Variants in NRG1 observed in about 807,000 individuals in gnomAD.
NRG1 encodes pro-neuregulin-1, membrane-bound isoform.
NRG1 carries 18 observed loss-of-function variants against 63.8 expected under a neutral mutation model. The observed-to-expected ratio is 0.28, with a 90% CI of 0.19 to 0.42. The LOEUF is 0.42. Ranked by LOEUF, NRG1 falls within the 10% of genes least tolerant of loss-of-function variation. The probability of loss-of-function intolerance (pLI) is 1.00; values close to 1 mark genes in which losing one functional copy is unlikely to be tolerated. For synonymous variants in NRG1, 302 were observed against 301.3 expected, an observed-to-expected ratio of 1.00 and a Z score of -0.02; for missense variants, 762 against 814.7, an observed-to-expected ratio of 0.94 and a Z score of 0.79.
rs944007289 is a variant in NRG1 at position 32,731,572 on chromosome 8, T to C, written c.632+3494T>C. On this transcript the variant is annotated intron_variant, in intron 6 of 11. Transcript: ENST00000356819. ...GCAAGCCAGAACCTTGAGGGAAGAA[T>C]TGGAGAGTATATTTTACATCCAAAA... Among the ~76,000 whole-genome samples, 3 of 152,180 alleles carry C rather than the reference T, an allele frequency of 2.0e-5. No homozygotes were observed. In the East Asian group the frequency reaches 5.8e-4, roughly 29 times the overall value.
intron 1 of NRG1, among the ~76,000 whole-genome samples, chr8:32,324,026 G>A (rs1173928936): frequency 3.3e-5 from 5 of 151,818 alleles, no homozygotes; most frequent in Admixed American, 2.0e-4. Context: ...AAGTGGCTAC[G>A]TGATCAGAAA....
intron 1 of NRG1, among the ~76,000 whole-genome samples, chr8:31,824,175 TC>T (rs1824302370): frequency 2.3e-5 from 1 of 42,718 alleles, no homozygotes. Flanking sequence ...CCCTCCCCCC[TC>T]CCCCCACCCC....
intron 1 of NRG1, among the ~76,000 whole-genome samples, chr8:31,725,312 G>A (rs1264004440): frequency 2.0e-5 from 3 of 152,134 alleles, no homozygotes; most frequent in Non-Finnish European, 4.4e-5. Context: ...CTGAGAACAT[G>A]CCTTGGCATA....
At chr8:32,646,804 G>T (rs1563842952) in intron 5 of NRG1, 1 of 985,078 alleles carries the variant, frequency 1.0e-6, no homozygotes, top group African/African-American at 1.7e-5. Context: ...AAAATAGGAA[G>T]TCACTGGCAG....
At chr8:32,380,811 T>A (rs944950274) in intron 1 of NRG1, among the ~76,000 whole-genome samples, 1 of 152,202 alleles carries the variant, frequency 6.6e-6, no homozygotes, top group African/African-American at 2.4e-5. Context: ...AGTTTTGGGG[T>A]ACATGTGATA....
At chr8:32,437,813 T>A (rs1818978003) in intron 1 of NRG1, among the ~76,000 whole-genome samples, 1 of 152,172 alleles carries the variant, frequency 6.6e-6, no homozygotes, top group South Asian at 2.1e-4. Flanking sequence ...TTGATATTAT[T>A]TATTATAACT....
At position 32,052,379 on chromosome 8, in the gene NRG1, G is replaced by C. The variant is rs140540484; in HGVS notation, c.37+412948G>C. Among the ~76,000 whole-genome samples, 610 of 146,560 alleles carry C rather than the reference G, an allele frequency of 4.2e-3. 4 individuals are homozygous for C. Among genetic ancestry groups the C allele is most frequent in the African/African-American group, 0.015 (584 of 39,868 alleles). The stretch of plus-strand genomic sequence containing the variant: ...CAGCCTCAAACTCCTAGGCTCAAGC[G>C]ATCCTCCCACCTCAGCCAACTGAGT... On this transcript the variant is annotated intron_variant, in intron 1 of 10. Transcript: ENST00000519301.
chr8:31,956,002 C>T (rs1804301421), intron 1 of NRG1, among the ~76,000 whole-genome samples: 1 of 149,356 alleles, frequency 6.7e-6, no homozygotes, highest in African/African-American at 2.5e-5. Flanking sequence ...GATCATAGCA[C>T]TCCACTCCAT....
chr8:31,692,870 G>A (rs567948331), intron 1 of NRG1, among the ~76,000 whole-genome samples: 1 of 152,134 alleles, frequency 6.6e-6, no homozygotes, highest in Non-Finnish European at 1.5e-5. Context: ...ATAGGAAATA[G>A]CATTTAACAA....
chr8:31,676,631 A>C (rs1330618655), intron 1 of NRG1, among the ~76,000 whole-genome samples: 1 of 152,104 alleles, frequency 6.6e-6, no homozygotes, highest in Non-Finnish European at 1.5e-5. Context: ...TGTTTGATAT[A>C]CCTTCCAGGG....
intron 1 of NRG1, among the ~76,000 whole-genome samples, chr8:31,693,195 CT>C (rs1809710432): frequency 6.6e-6 from 1 of 152,114 alleles, no homozygotes; most frequent in Non-Finnish European, 1.5e-5. Context: ...GATTCCAAAG[CT>C]CTTGAAAAAT....
chr8:32,506,709 G>T (rs1415248364), intron 1 of NRG1, among the ~76,000 whole-genome samples: 3 of 151,948 alleles, frequency 2.0e-5, no homozygotes, highest in East Asian at 1.9e-4. Context: ...AGAAATCTTG[G>T]GGGGTATGTG....
exon 12 of NRG1, chr8:32,764,095 A>G: frequency 1.2e-6 from 2 of 1,614,158 alleles, no homozygotes; most frequent in Non-Finnish European, 1.7e-6. Context: ...GAGCCTGTTA[A>G]GAAACTCGCC....
chr8:32,577,595 C>T (rs544299276), intron 1 of NRG1, among the ~76,000 whole-genome samples: 8 of 152,220 alleles, frequency 5.3e-5, no homozygotes, highest in African/African-American at 1.7e-4. Flanking sequence ...AAACTGAACA[C>T]CAACAAGAAT....
intron 1 of NRG1, among the ~76,000 whole-genome samples, chr8:31,987,027 T>C (rs1221503868): frequency 6.6e-6 from 1 of 152,052 alleles, no homozygotes; most frequent in Non-Finnish European, 1.5e-5. Flanking sequence ...TGGCTGAGCA[T>C]GGTGGCTCAC....
chr8:31,722,199 A>G lies in NRG1; in HGVS notation c.37+82768A>G, dbSNP rs116851070. Among the ~76,000 whole-genome samples, 585 of 152,190 alleles carry G rather than the reference A, an allele frequency of 3.8e-3. 1 individual carries two copies. Among genetic ancestry groups the G allele is most frequent in the South Asian group, 0.019 (90 of 4,820 alleles). On this transcript the variant is annotated intron_variant, in intron 1 of 10. Transcript: ENST00000519301. ...CTAAAACACTGCCCACTCAGACCAG[A>G]TCTAACTAGTTTTAGTTCCCTATAT...
chr8:32,418,446 A>G (rs1816240785), intron 1 of NRG1, among the ~76,000 whole-genome samples: 1 of 151,968 alleles, frequency 6.6e-6, no homozygotes, highest in African/African-American at 2.4e-5. Flanking sequence ...TCAATATAAA[A>G]AATATCAATT....
At chr8:32,632,236 T>C (rs1364961780) in intron 5 of NRG1, among the ~76,000 whole-genome samples, 2 of 152,188 alleles carry the variant, frequency 1.3e-5, no homozygotes, top group Non-Finnish European at 2.9e-5. Context: ...TACACTCTTT[T>C]CTTCACTAGA....
chr8:32,165,122 A>C (rs1839261550), intron 1 of NRG1, among the ~76,000 whole-genome samples: 1 of 151,554 alleles, frequency 6.6e-6, no homozygotes, highest in African/African-American at 2.4e-5. Flanking sequence ...GGTATCACAC[A>C]TGTAAGATAT....
Sources: gnomAD v4.1 joint callset for allele counts (sites outside exome capture counted in the v4.1 genomes callset) on GRCh38, gnomAD v4.1.1 for gene constraint, MANE v1.5 for transcripts, NCBI Gene and HGNC (gene_info 2026-07-23, HGNC 2026-07-21) for gene names.